Variants in LEO1 observed in about 807,000 individuals in gnomAD.
LEO1 encodes LEO1 component of Paf1/RNA polymerase II complex.
LEO1 carries 34 observed loss-of-function variants against 80.4 expected under a neutral mutation model. The ratio of observed to expected loss-of-function variants is 0.42; its 90% CI spans 0.32 to 0.56. LEO1 has a LOEUF of 0.56. Among genes scored for constraint, LEO1 ranks in the 20% least tolerant of loss-of-function variants. The probability of loss-of-function intolerance (pLI) is 0.10; values close to 1 mark genes in which losing one functional copy is unlikely to be tolerated. For missense variants in LEO1, 631 were observed against 814.2 expected, an observed-to-expected ratio of 0.77 and a Z score of 2.74; for synonymous variants, 262 against 274.9, an observed-to-expected ratio of 0.95 and a Z score of 0.46.
intron 10 of LEO1, among the ~76,000 whole-genome samples, chr15:51,948,234 C>T (rs1340192367): frequency 2.6e-5 from 4 of 152,186 alleles, no homozygotes; most frequent in Non-Finnish European, 5.9e-5. Context: ...TTCCCTTTGT[C>T]CCCACACCTT....
Position 51,960,614 on chromosome 15 carries a change from A to G in LEO1, c.1014+25T>C, listed in dbSNP as rs548603965. 4 of 1,316,882 alleles carry G rather than the reference A, an allele frequency of 3.0e-6. No homozygotes were observed. In the East Asian group the frequency reaches 9.2e-5, roughly 30 times the overall value. The allele number at this position is 1,316,882 out of a possible 1,614,324, so 81.6% of individuals were successfully genotyped here. ...TGAAACTTTATGCCTGGCCTTGAAT[A>G]AGTTCATGTTACTAACTGACTTACA... On this transcript the variant is annotated intron_variant, in intron 4 of 11. Transcript: ENST00000299601.
At chr15:51,954,369 G>C in intron 7 of LEO1, 112 bp downstream of exon 7, 1 of 683,442 alleles carries the variant, frequency 1.5e-6, no homozygotes, top group South Asian at 1.7e-5. Flanking sequence ...GCAACAGAGT[G>C]AGACCCCATT....
intron 1 of LEO1, among the ~76,000 whole-genome samples, chr15:51,967,422 G>A (rs1191349971): frequency 1.3e-5 from 2 of 151,864 alleles, no homozygotes; most frequent in South Asian, 2.1e-4. Context: ...GCAGTGAGCC[G>A]AGACCACACC....
intron 7 of LEO1, among the ~76,000 whole-genome samples, chr15:51,954,044 T>TG (rs200996186): frequency 0.015 from 2,307 of 151,930 alleles, 66 homozygotes; most frequent in East Asian, 0.073. Flanking sequence ...AGGAATTCTC[T>TG]GCCTCAGCCT....
chr15:51,964,564 C>CAA (rs1566887488), intron 2 of LEO1, among the ~76,000 whole-genome samples: 1 of 147,700 alleles, frequency 6.8e-6, no homozygotes, highest in Non-Finnish European at 1.5e-5. Flanking sequence ...AAAAAAAAAA[C>CAA]CTCTACTCTG....
intron 8 of LEO1, among the ~76,000 whole-genome samples, chr15:51,952,629 C>T (rs1183773286): frequency 1.3e-5 from 2 of 152,128 alleles, no homozygotes; most frequent in Admixed American, 6.5e-5. Context: ...AGGAAAGTGC[C>T]CTCACCAGCT....
Position 51,942,845 on chromosome 15 carries a change from C to G in LEO1, c.1896+4447G>C, listed in dbSNP as rs554540447. Among the ~76,000 whole-genome samples, 5 of 150,102 alleles carry G rather than the reference C, an allele frequency of 3.3e-5. No individual in the cohort carries two copies. The South Asian group carries it at 1.1e-3, about 32-fold the overall frequency. On this transcript the variant is annotated intron_variant, in intron 11 of 11. Coordinates refer to ENST00000299601, the MANE Select transcript of LEO1 (RefSeq NM_138792.4). ...GCTGAGGCAGGAGAATTGCTTGAACCCAGGAGGTGGAGGTTGCAGTGAGCC... is the reference window on the plus strand; with the variant it reads ...GCTGAGGCAGGAGAATTGCTTGAACGCAGGAGGTGGAGGTTGCAGTGAGCC...
chr15:51,971,615 G>C (rs2057123931), intron 1 of LEO1, 73 bp downstream of exon 1: 2 of 1,490,262 alleles, frequency 1.3e-6, no homozygotes, highest in South Asian at 2.3e-5. Context: ...CGGCGCTGGA[G>C]CCTCCACGGT....
intron 8 of LEO1, 126 bp downstream of exon 8, chr15:51,953,003 A>C: frequency 1.3e-6 from 1 of 764,154 alleles, no homozygotes; most frequent in Non-Finnish European, 2.1e-6. Context: ...AGAACTATGC[A>C]CAAGATCTTG....
chr15:51,938,827 CAGAT>C (rs143082051), intron 11 of LEO1, among the ~76,000 whole-genome samples: 4,332 of 152,274 alleles, frequency 0.028, 78 homozygotes, highest in Admixed American at 0.045. Flanking sequence ...ACATTTTTTA[CAGAT>C]AGATAGAATT....
In LEO1 at chr15:51,958,799, A is replaced by G; in HGVS notation, c.1188T>C (p.Asp396=). The change falls in exon 6 of 12, where the codon GAT becomes GAC. Residue 396 remains aspartate, a synonymous_variant. Transcript: ENST00000299601. The part of the protein sequence containing the change: ...PRPFDPQYYE[D]EFEDEEMLDE... The stretch of plus-strand genomic sequence containing the variant: ...CCAGCATTTCTTCATCTTCAAATTC[A>G]TCTTCATAATACTGAGGATCAAAAG... 2.5e-6 allele frequency: 4 copies of G among 1,593,164 alleles called. No homozygotes were observed. The highest frequency in any genetic ancestry group is 3.4e-6 in the Non-Finnish European group (4 of 1,166,584).
At position 51,966,483 on chromosome 15, in the gene LEO1, G is replaced by C; in HGVS notation, c.80C>G (p.Ser27Ter). The change falls in exon 2 of 12, where the codon TCA becomes TGA. Residue 27 changes from serine to a stop codon, truncating the protein, a stop_gained. Coordinates refer to ENST00000299601, the MANE Select transcript of LEO1 (RefSeq NM_138792.4). LOFTEE classifies it high-confidence loss of function. ...ERKDSDSGSD[S>*]DSDQENAASG... ...GGCAGCATTCTCTTGATCAGAATCT[G>C]AGTCAGATCCAGAATCAGAATCTAT... is the stretch of plus-strand genomic sequence containing the variant. The C allele has an allele frequency of 6.2e-7, 1 of 1,604,482 alleles. No homozygotes were observed. The highest frequency in any genetic ancestry group is 8.5e-7 in the Non-Finnish European group (1 of 1,173,022).
At chr15:51,939,847 GCCC>G (rs2056833279) in intron 11 of LEO1, among the ~76,000 whole-genome samples, 3 of 152,160 alleles carry the variant, frequency 2.0e-5, no homozygotes, top group Admixed American at 1.3e-4. Flanking sequence ...TGTCCTAAAG[GCCC>G]CTGGACAGCA....
chr15:51,954,423 C>T, intron 7 of LEO1, 58 bp downstream of exon 7: 1 of 991,728 alleles, frequency 1.0e-6, no homozygotes, highest in Non-Finnish European at 1.6e-6. Context: ...TATTTCAAAA[C>T]TTGATCCCTC....
chr15:51,953,614 C>G (rs1017210636), intron 7 of LEO1, among the ~76,000 whole-genome samples: 3 of 151,488 alleles, frequency 2.0e-5, no homozygotes, highest in African/African-American at 7.3e-5. Flanking sequence ...GACAAGACTC[C>G]ATCTCAAGGA....
At position 51,958,832 on chromosome 15, in the gene LEO1, A is replaced by G. The variant is rs2057008773; in HGVS notation, c.1161-6T>C. 1 of 1,502,266 alleles carries G rather than the reference A, an allele frequency of 6.7e-7. No individual in the cohort carries two copies. The highest frequency in any genetic ancestry group is 9.1e-7 in the Non-Finnish European group (1 of 1,098,096). 93.1% of individuals were successfully genotyped at this position (1,502,266 alleles called of 1,614,324 possible). On this transcript the variant is annotated splice_polypyrimidine_tract_variant and splice_region_variant and intron_variant, in intron 5 of 11. Coordinates refer to ENST00000299601, the MANE Select transcript of LEO1 (RefSeq NM_138792.4). ...AATACTGAGGATCAAAAGGTCTACA[A>G]ATTGTTTTCCAAATAAACTATTAAT... is the stretch of plus-strand genomic sequence containing the variant.
chr15:51,949,810 C>T lies in LEO1; in HGVS notation c.1796G>A (p.Arg599Gln), dbSNP rs2056932880. Residue 599 changes from arginine to glutamine, a missense_variant and splice_region_variant, in exon 10 of 12, where the codon CGA becomes CAA. Arg to Gln is a conservative substitution (Grantham distance 43). Coordinates refer to ENST00000299601, the MANE Select transcript of LEO1 (RefSeq NM_138792.4). The part of the protein sequence containing the change: ...AIKNRYKGGI[R>Q]EERARIYSSD... ...TGTAATTTCCATACACGACTCACCT[C>T]GAATGCCCCCTTTATATCGGTTTTT... 3 of 1,612,602 alleles carry T rather than the reference C, an allele frequency of 1.9e-6. No homozygotes were observed. Among genetic ancestry groups the T allele is most frequent in the Non-Finnish European group, 2.5e-6 (3 of 1,179,554 alleles).
chr15:51,947,566 C>T (rs1031869767), intron 10 of LEO1, among the ~76,000 whole-genome samples, 177 bp from the exon 11 acceptor site: 1 of 152,090 alleles, frequency 6.6e-6, no homozygotes, highest in Non-Finnish European at 1.5e-5. Context: ...CAGGTGTGCA[C>T]TACCTACCCA....
Position 51,958,814 on chromosome 15 carries a change from A to T in LEO1, c.1173T>A (p.Pro391=), listed in dbSNP as rs1454322104. The T allele has an allele frequency of 6.4e-7, 1 of 1,565,770 alleles. No homozygotes were observed. Among genetic ancestry groups the T allele is most frequent in the Non-Finnish European group, 8.7e-7 (1 of 1,148,470 alleles). ...FLSVEPRPFD[P]QYYEDEFEDE... is the part of the protein sequence containing the mutation. ...CTTCAAATTCATCTTCATAATACTG[A>T]GGATCAAAAGGTCTACAAATTGTTT... The change falls in exon 6 of 12, where the codon CCT becomes CCA. Residue 391 remains proline (P), a synonymous_variant. Transcript: ENST00000299601.
Sources: allele counts gnomAD v4.1 joint callset (sites outside exome capture counted in the v4.1 genomes callset), GRCh38; gene constraint gnomAD v4.1.1; transcripts MANE v1.5; gene names NCBI Gene and HGNC (gene_info 2026-07-23, HGNC 2026-07-21).